The following SRRM3 variants were observed in gnomAD, a reference collection of about 807,000 sequenced individuals.
The protein encoded by SRRM3 is serine/arginine repetitive matrix 3.
In SRRM3, 27 loss-of-function variants were observed where a neutral mutation model predicts 66.2. That is an observed-to-expected ratio of 0.41 (90% CI 0.30 to 0.56). The LOEUF is 0.56. Among genes scored for constraint, SRRM3 ranks in the 20% least tolerant of loss-of-function variants. The pLI, the probability that SRRM3 is intolerant of heterozygous loss-of-function variation, is 0.32. For synonymous variants in SRRM3, 391 were observed against 414.9 expected, an observed-to-expected ratio of 0.94 and a Z score of 0.70; for missense variants, 918 against 991.9, an observed-to-expected ratio of 0.93 and a Z score of 1.00.
chr7:76,251,821 G>A (rs1311300632), intron 3 of SRRM3, among the ~76,000 whole-genome samples: 1 of 152,110 alleles, frequency 6.6e-6, no homozygotes, highest in Non-Finnish European at 1.5e-5. Context: ...CCAGCATTTT[G>A]GGAGGCTGAG....
chr7:76,231,113 C>T lies in SRRM3; in HGVS notation c.-39-3915C>T, dbSNP rs556206134. 9.2e-5 allele frequency among the ~76,000 whole-genome samples: 14 copies of T among 152,210 alleles called. 1 individual carries two copies. The South Asian group carries it at 1.0e-3, about 11-fold the overall frequency. ...ACAGAGGGACCCTGTGCGTGCAGTC[C>T]TGCAGTCACCCCCTGGTCTGCTGGC... On this transcript the variant is annotated intron_variant, in intron 1 of 14. Coordinates refer to ENST00000611745, the MANE Select transcript of SRRM3 (RefSeq NM_001110199.3).
chr7:76,283,795 C>A (rs1554612382), intron 14 of SRRM3: 2 of 985,334 alleles, frequency 2.0e-6, no homozygotes, highest in African/African-American at 3.5e-5. Flanking sequence ...TTATCAGTTT[C>A]TCTGCTAGGA....
chr7:76,241,149 G>T (rs977747379), intron 2 of SRRM3, among the ~76,000 whole-genome samples: 1 of 152,100 alleles, frequency 6.6e-6, no homozygotes, highest in East Asian at 1.9e-4. Flanking sequence ...TGCCCGCCTC[G>T]GCCTCCCAAA....
chr7:76,209,000 G>T (rs951229841), intron 1 of SRRM3, among the ~76,000 whole-genome samples: 1 of 152,142 alleles, frequency 6.6e-6, no homozygotes, highest in African/African-American at 2.4e-5. Flanking sequence ...TCAGGAGGCT[G>T]AGGCAAGAGG....
intron 1 of SRRM3, among the ~76,000 whole-genome samples, chr7:76,225,163 T>C (rs1421074029): frequency 6.6e-6 from 1 of 152,206 alleles, no homozygotes; most frequent in East Asian, 1.9e-4. Flanking sequence ...TGACTTTTCC[T>C]GATCACCCAG....
At chr7:76,231,007 T>C (rs1173083571) in intron 1 of SRRM3, among the ~76,000 whole-genome samples, 1 of 151,876 alleles carries the variant, frequency 6.6e-6, no homozygotes, top group Non-Finnish European at 1.5e-5. Flanking sequence ...CACCTCAGCT[T>C]CCCAAAGTGC....
At chr7:76,233,131 TGACTC>T (rs1275349400) in intron 1 of SRRM3, among the ~76,000 whole-genome samples, 1 of 152,102 alleles carries the variant, frequency 6.6e-6, no homozygotes, top group African/African-American at 2.4e-5. Flanking sequence ...AACAAGAACG[TGACTC>T]TACAAAAAAA....
intron 2 of SRRM3, among the ~76,000 whole-genome samples, chr7:76,236,023 AAAAAAAAG>A (rs1801142175): frequency 6.9e-6 from 1 of 144,102 alleles, no homozygotes; most frequent in South Asian, 2.2e-4. Flanking sequence ...AAAAAAAAAA[AAAAAAAAG>A]GCCGGGCGCG....
chr7:76,261,300 G>GCCCCCCA, intron 6 of SRRM3, 52 bp from the exon 7 acceptor site: 1 of 519,212 alleles, frequency 1.9e-6, no homozygotes, highest in Admixed American at 4.4e-5. Context: ...GCCATTTCCA[G>GCCCCCCA]CCCCCCACCC....
chr7:76,281,132 C>G (rs549188981), intron 11 of SRRM3, among the ~76,000 whole-genome samples: 1 of 150,486 alleles, frequency 6.6e-6, no homozygotes, highest in African/African-American at 2.4e-5. Context: ...TCCTCTTTCT[C>G]TTCTCTGCCT....
chr7:76,275,485 TC>T (rs1397913911), intron 11 of SRRM3, among the ~76,000 whole-genome samples: 1 of 128,804 alleles, frequency 7.8e-6, no homozygotes, highest in African/African-American at 3.1e-5. Flanking sequence ...CGAGACTCAG[TC>T]CCTGCTCCCT....
intron 10 of SRRM3, among the ~76,000 whole-genome samples, chr7:76,266,887 G>T (rs1003092853): frequency 3.3e-5 from 5 of 151,588 alleles, no homozygotes; most frequent in African/African-American, 9.7e-5. Context: ...CGAACAGCCT[G>T]GTCTCGAATT....
intron 5 of SRRM3, 116 bp from the exon 6 acceptor site, chr7:76,260,758 A>G: frequency 3.0e-6 from 3 of 1,002,130 alleles, no homozygotes; most frequent in South Asian, 3.1e-5. Context: ...CTCATCTGCC[A>G]TCCCCGAATC....
chr7:76,210,232 C>T (rs1053695461), intron 1 of SRRM3, among the ~76,000 whole-genome samples: 3 of 152,168 alleles, frequency 2.0e-5, no homozygotes, highest in South Asian at 2.1e-4. Context: ...GAGGAGTGGG[C>T]TTCAAGACTG....
At chr7:76,216,278 T>TGCAA (rs1482419821) in intron 1 of SRRM3, among the ~76,000 whole-genome samples, 1 of 145,976 alleles carries the variant, frequency 6.9e-6, no homozygotes, top group Non-Finnish European at 1.5e-5. Flanking sequence ...AACTCCTGGG[T>TGCAA]GCAAGCAGTC....
At chr7:76,242,606 T>C (rs1554605756) in intron 2 of SRRM3, among the ~76,000 whole-genome samples, 1 of 152,182 alleles carries the variant, frequency 6.6e-6, no homozygotes. Flanking sequence ...GACTGTATTA[T>C]GTAATGAAAT....
At chr7:76,211,818 A>AC (rs1800437905) in intron 1 of SRRM3, among the ~76,000 whole-genome samples, 1 of 91,578 alleles carries the variant, frequency 1.1e-5, no homozygotes, top group African/African-American at 7.7e-5. Flanking sequence ...TATTACTACT[A>AC]TTATTATTAT....
chr7:76,247,877 T>C (rs1563624103), intron 2 of SRRM3, among the ~76,000 whole-genome samples: 1 of 152,106 alleles, frequency 6.6e-6, no homozygotes, highest in Non-Finnish European at 1.5e-5. Flanking sequence ...GTATTTTTAG[T>C]AGAGACAGGG....
intron 1 of SRRM3, among the ~76,000 whole-genome samples, chr7:76,234,716 A>G (rs921061389): frequency 6.6e-6 from 1 of 152,140 alleles, no homozygotes; most frequent in Non-Finnish European, 1.5e-5. Context: ...GCATTCGTGC[A>G]AGCCAGAGAG....
Sources: gnomAD v4.1 joint callset for allele counts (sites outside exome capture counted in the v4.1 genomes callset) on GRCh38, gnomAD v4.1.1 for gene constraint, MANE v1.5 for transcripts, NCBI Gene and HGNC (gene_info 2026-07-23, HGNC 2026-07-21) for gene names.